Variants in RALGAPA1 observed in about 807,000 individuals in gnomAD.
RALGAPA1 encodes ral GTPase-activating protein subunit alpha-1.
Under a neutral mutation model 269.6 loss-of-function variants are expected in RALGAPA1, and 52 were observed. That is an observed-to-expected ratio of 0.19 (90% CI 0.15 to 0.24). The LOEUF is 0.24. Among genes scored for constraint, RALGAPA1 ranks in the 10% least tolerant of loss-of-function variants. The pLI is 1.00. For synonymous variants in RALGAPA1, 817 were observed against 1,008.3 expected (o/e 0.81, Z 3.60); for missense variants, 1,917 against 3,013.9 (o/e 0.64, Z 8.52).
At chr14:35,757,862 T>A (rs2073324977) in intron 6 of RALGAPA1, among the ~76,000 whole-genome samples, 1 of 152,210 alleles carries the variant, frequency 6.6e-6, no homozygotes, top group South Asian at 2.1e-4. Flanking sequence ...GATTTCAGTT[T>A]TTAAATAATA....
At chr14:35,773,583 G>C (rs563008412) in intron 3 of RALGAPA1, among the ~76,000 whole-genome samples, 1 of 152,142 alleles carries the variant, frequency 6.6e-6, no homozygotes, top group African/African-American at 2.4e-5. Context: ...TCTAAGGCAA[G>C]CGTAAACATT....
At chr14:35,561,251 A>AT (rs1225119223) in intron 39 of RALGAPA1, among the ~76,000 whole-genome samples, 7,019 of 130,238 alleles carry the variant, frequency 0.054, 939 homozygotes, top group African/African-American at 0.11. Context: ...AAAAAAAAAA[A>AT]ATACAGTAAC....
intron 4 of RALGAPA1, among the ~76,000 whole-genome samples, chr14:35,764,837 A>G (rs1377792483): frequency 2.0e-5 from 3 of 152,256 alleles, no homozygotes; most frequent in African/African-American, 7.2e-5. Flanking sequence ...GGCATAAGAC[A>G]CCATGCCTGG....
At chr14:35,616,646 A>G (rs1210251543) in intron 35 of RALGAPA1, among the ~76,000 whole-genome samples, 1 of 152,186 alleles carries the variant, frequency 6.6e-6, no homozygotes, top group Non-Finnish European at 1.5e-5. Context: ...GAATATATGG[A>G]AACTCTGTAC....
At chr14:35,699,522 C>T (rs1306151455) in intron 17 of RALGAPA1, among the ~76,000 whole-genome samples, 2 of 152,042 alleles carry the variant, frequency 1.3e-5, no homozygotes, top group African/African-American at 4.8e-5. Context: ...GACCAACGAC[C>T]TGAGGCAGAA....
At chr14:35,711,186 T>C (rs913308435) in intron 16 of RALGAPA1, among the ~76,000 whole-genome samples, 2 of 152,226 alleles carry the variant, frequency 1.3e-5, no homozygotes, top group African/African-American at 4.8e-5. Flanking sequence ...GTTGAGACAG[T>C]CTTTGTCTTT....
intron 28 of RALGAPA1, among the ~76,000 whole-genome samples, chr14:35,657,044 T>C (rs569286818): frequency 2.0e-5 from 3 of 152,184 alleles, no homozygotes; most frequent in Admixed American, 2.0e-4. Flanking sequence ...TAAGAAAGGA[T>C]ATATATATTT....
At chr14:35,587,563 T>C (rs567390216) in intron 37 of RALGAPA1, among the ~76,000 whole-genome samples, 1 of 152,306 alleles carries the variant, frequency 6.6e-6, no homozygotes, top group South Asian at 2.1e-4. Context: ...GTTCATGTCC[T>C]TTGCAGGGAC....
At chr14:35,642,350 G>A (rs193269065) in intron 31 of RALGAPA1, among the ~76,000 whole-genome samples, 351 of 152,150 alleles carry the variant, frequency 2.3e-3, no homozygotes, top group Admixed American at 3.5e-3. Flanking sequence ...AATATGACAA[G>A]CTATTAATAA....
At chr14:35,617,716 A>G (rs1384495034) in intron 35 of RALGAPA1, among the ~76,000 whole-genome samples, 4 of 151,986 alleles carry the variant, frequency 2.6e-5, no homozygotes, top group Non-Finnish European at 5.9e-5. Flanking sequence ...AAACAAAGAT[A>G]AATAGAAATC....
At chr14:35,799,037 A>G (rs1036332947) in intron 1 of RALGAPA1, among the ~76,000 whole-genome samples, 1 of 151,998 alleles carries the variant, frequency 6.6e-6, no homozygotes, top group Non-Finnish European at 1.5e-5. Context: ...AGAGCACTGT[A>G]AATGGTACTA....
In RALGAPA1 at chr14:35,654,422, T is replaced by C. The variant is rs780495725; in HGVS notation, c.5552A>G (p.His1851Arg). The C allele has an allele frequency of 1.2e-6, 2 of 1,607,556 alleles. No homozygotes were observed. The highest frequency in any genetic ancestry group is 3.4e-5 in the Admixed American group (2 of 59,062). Residue 1851 changes from histidine to arginine, a missense_variant, in exon 30 of 42, where the codon CAT becomes CGT. By Grantham distance (29) the His-to-Arg change is conservative. This residue lies in a region of RALGAPA1 where 346 missense variants were observed against 566.1 expected (regional missense o/e 0.61). Transcript: ENST00000680220. ...GTAAATCTGAAGTCTAGGTACATAATGAACCAGCATGTGAAGCATGTTACA... is the reference window on the plus strand; with the variant it reads ...GTAAATCTGAAGTCTAGGTACATAACGAACCAGCATGTGAAGCATGTTACA... ...VACNMLHMLVHYVPRLQIYQP... is the reference protein window; with the variant it reads ...VACNMLHMLVRYVPRLQIYQP...
At chr14:35,586,587 T>C (rs2058307667) in intron 37 of RALGAPA1, among the ~76,000 whole-genome samples, 2 of 152,228 alleles carry the variant, frequency 1.3e-5, no homozygotes, top group Non-Finnish European at 2.9e-5. Flanking sequence ...GCTGTGGGTT[T>C]GTCATAAACA....
chr14:35,549,280 G>A, intron 39 of RALGAPA1, 46 bp from the exon 40 acceptor site: 1 of 1,557,402 alleles, frequency 6.4e-7, no homozygotes, highest in African/African-American at 1.4e-5. Context: ...GCTTATACTG[G>A]AAAAAAAATC....
chr14:35,627,913 C>T lies in RALGAPA1; in HGVS notation c.6034G>A (p.Ala2012Thr), dbSNP rs1277722759. ...ACCAGATGTGTAATAACAGTGCGGG[C>T]TGCTATAGAGATTAATCCATGCTGC... is the stretch of plus-strand genomic sequence containing the variant. ...QMQHGLISIA[A>T]RTVITHLVNH... The change falls in exon 34 of 42, where the codon GCC becomes ACC. Residue 2012 changes from alanine (A) to threonine (T), a missense_variant. Physicochemically the swap from Ala to Thr is moderately conservative, Grantham distance 58. Transcript: ENST00000680220. The T allele has an allele frequency of 6.4e-7, 1 of 1,551,172 alleles. No homozygotes were observed. Among genetic ancestry groups the T allele is most frequent in the Non-Finnish European group, 8.7e-7 (1 of 1,151,734 alleles).
chr14:35,621,866 A>C (rs2060651378), intron 35 of RALGAPA1, among the ~76,000 whole-genome samples: 1 of 152,202 alleles, frequency 6.6e-6, no homozygotes, highest in South Asian at 2.1e-4. Context: ...AGGAAACAAC[A>C]GATGCTGGAG....
intron 41 of RALGAPA1, among the ~76,000 whole-genome samples, chr14:35,547,206 A>T (rs923104954): frequency 6.6e-6 from 1 of 151,876 alleles, no homozygotes; most frequent in African/African-American, 2.4e-5. Context: ...CTATTTAGAC[A>T]ATCATAAGTG....
chr14:35,680,858 C>T (rs1461708965), intron 21 of RALGAPA1, among the ~76,000 whole-genome samples: 1 of 152,046 alleles, frequency 6.6e-6, no homozygotes, highest in Non-Finnish European at 1.5e-5. Context: ...TCGTGATCCA[C>T]CCGCCTCGGC....
In RALGAPA1 at chr14:35,750,604, G is replaced by C. The variant is rs201001637; in HGVS notation, c.889C>G (p.Pro297Ala). The C allele has an allele frequency of 8.7e-6, 14 of 1,612,954 alleles. No individual in the cohort carries two copies. Among genetic ancestry groups the C allele is most frequent in the Admixed American group, 1.7e-5 (1 of 59,922 alleles). ...ACAATAACACGAGCCTTAATGAAAG[G>C]CTCCTTTGTACAATAGATTGCTTCA... ...TNEAIYCTKE[P>A]FIKARVIVIR... Residue 297 changes from proline to alanine, a missense_variant, in exon 9 of 42, where the codon CCT (proline) becomes GCT (alanine). By Grantham distance (27) the Pro-to-Ala change is conservative. Transcript: ENST00000680220.
Sources: allele counts gnomAD v4.1 joint callset (sites outside exome capture counted in the v4.1 genomes callset), GRCh38; gene constraint gnomAD v4.1.1; regional missense constraint gnomAD v4.1.1; transcripts MANE v1.5; gene names NCBI Gene and HGNC (gene_info 2026-07-23, HGNC 2026-07-21).